The following NF2 variants were observed in gnomAD, a reference collection of about 807,000 sequenced individuals.
NF2 encodes merlin.
A neutral mutation model predicts 83.7 loss-of-function variants in NF2; 8 were observed. That is an observed-to-expected ratio of 0.10 (90% CI 0.06 to 0.17). The LOEUF (loss-of-function observed/expected upper bound fraction) is 0.17, where lower values mean the gene tolerates loss of function less well. Among genes scored for constraint, NF2 ranks in the 10% least tolerant of loss-of-function variants. NF2 has a pLI of 1.00. For synonymous variants in NF2, 266 were observed against 269.6 expected (o/e 0.99, Z 0.13); for missense variants, 533 against 744.4 (o/e 0.72, Z 3.31).
chr22:29,644,969 G>A (rs534852623), intron 4 of NF2, among the ~76,000 whole-genome samples: 1 of 152,126 alleles, frequency 6.6e-6, no homozygotes, highest in South Asian at 2.1e-4. Flanking sequence ...GGGAGAGGGA[G>A]AGGGCACTTG....
At chr22:29,681,246 A>C (rs770792810) in intron 14 of NF2, among the ~76,000 whole-genome samples, 193 bp from the exon 15 acceptor site, 15 of 152,000 alleles carry the variant, frequency 9.9e-5, no homozygotes, top group African/African-American at 1.5e-4. Context: ...TCCCAATTTT[A>C]ATGATGAGGA....
intron 1 of NF2, among the ~76,000 whole-genome samples, chr22:29,628,922 C>T (rs1018835771): frequency 3.3e-5 from 5 of 152,080 alleles, no homozygotes; most frequent in African/African-American, 9.7e-5. Flanking sequence ...TGAGCCACTG[C>T]GCCTGGCCTC....
intron 4 of NF2, among the ~76,000 whole-genome samples, chr22:29,649,729 T>TGA (rs2146943346): frequency 6.8e-6 from 1 of 148,040 alleles, no homozygotes; most frequent in South Asian, 2.1e-4. Flanking sequence ...GGTGACAGAG[T>TGA]GAGACTCTGT....
At chr22:29,646,778 T>C (rs2065993125) in intron 4 of NF2, among the ~76,000 whole-genome samples, 1 of 152,196 alleles carries the variant, frequency 6.6e-6, no homozygotes, top group African/African-American at 2.4e-5. Context: ...GCACAGTGGC[T>C]CACACCTGTA....
At chr22:29,672,140 C>T (rs1183961531) in intron 11 of NF2, among the ~76,000 whole-genome samples, 192 bp downstream of exon 11, 1 of 152,158 alleles carries the variant, frequency 6.6e-6, no homozygotes, top group Non-Finnish European at 1.5e-5. Flanking sequence ...TTATGTGCAG[C>T]CAAACTCCAC....
intron 15 of NF2, chr22:29,682,915 A>G: frequency 1.5e-6 from 2 of 1,356,884 alleles, no homozygotes; most frequent in Non-Finnish European, 2.1e-6. Flanking sequence ...AAAATCACTC[A>G]TCACGATTTC....
Position 29,603,844 on chromosome 22 carries a change from G to T in NF2, c.-155G>T. On this transcript the variant is annotated 5_prime_UTR_variant, in exon 1 of 16. The change abolishes an upstream ATG in the 5' untranslated region. Transcript: ENST00000338641. ...CTCAGGCAGGGTCCTCGCGGCCCAT[G>T]CTGGCCGCTGGGGACCCGCGCAGCC... 1 of 605,322 alleles carries T rather than the reference G, an allele frequency of 1.7e-6. No homozygotes were observed. Among genetic ancestry groups the T allele is most frequent in the African/African-American group, 1.9e-5 (1 of 53,026 alleles). 37.5% of individuals were successfully genotyped at this position (605,322 alleles called of 1,614,324 possible). A position where few individuals can be genotyped will look rare whatever the true frequency, so the allele number is the denominator to read the frequency against.
At chr22:29,614,551 CG>C (rs1177857774) in intron 1 of NF2, among the ~76,000 whole-genome samples, 1 of 144,758 alleles carries the variant, frequency 6.9e-6, no homozygotes, top group Non-Finnish European at 1.5e-5. Flanking sequence ...TACTGCACTC[CG>C]GCCTGGGCGA....
At chr22:29,639,881 CAAAAAAA>C (rs763315832) in intron 3 of NF2, among the ~76,000 whole-genome samples, 2 of 21,188 alleles carry the variant, frequency 9.4e-5, no homozygotes, top group South Asian at 3.5e-3. Context: ...GGTTCCGTCT[CAAAAAAA>C]AAAAAAAAAA....
rs918313102 is a variant in NF2 at position 29,695,746 on chromosome 22, G to A, written c.*944G>A. 19 of 233,796 alleles carry A rather than the reference G, an allele frequency of 8.1e-5. No homozygotes were observed. The highest frequency in any genetic ancestry group is 1.2e-4 in the Non-Finnish European group (14 of 118,500). 14.5% of individuals were successfully genotyped at this position (233,796 alleles called of 1,614,324 possible). ...ACTGGCCCAGACTCTGAGCTCCACC[G>A]GCCCAGTCTGCACGGCCCATCTGCT... On this transcript the variant is annotated 3_prime_UTR_variant, in exon 16 of 16. Coordinates refer to ENST00000338641, the MANE Select transcript of NF2 (RefSeq NM_000268.4). The surrounding 1 kb of genome is among the most constrained non-coding windows in gnomAD (Gnocchi z 5.4).
In NF2 at chr22:29,636,327, C is replaced by T. The variant is rs1394004439; in HGVS notation, c.115-424C>T. ...CCAGTCTTATTTAAAGGAATACTAG[C>T]CTTTTATCAAAGGGCAAAGTAATGA... On this transcript the variant is annotated intron_variant, in intron 1 of 15. Coordinates refer to ENST00000338641, the MANE Select transcript of NF2 (RefSeq NM_000268.4). The surrounding 1 kb of genome is among the most constrained non-coding windows in gnomAD (Gnocchi z 4.4). Among the ~76,000 whole-genome samples, 1 of 151,948 alleles carries T rather than the reference C, an allele frequency of 6.6e-6. No homozygotes were observed. The highest frequency in any genetic ancestry group is 1.5e-5 in the Non-Finnish European group (1 of 67,992).
rs567335522 is a variant in NF2 at position 29,642,433 on chromosome 22, C to A, written c.447+148C>A. The stretch of plus-strand genomic sequence containing the variant: ...TTATGGGACTTGTGGACTTGAAGAA[C>A]CACTGTCACTGTTCCAGTGTTTGTA... On this transcript the variant is annotated intron_variant, in intron 4 of 15. Transcript: ENST00000338641. 1.9e-4 allele frequency: 138 copies of A among 707,722 alleles called. 1 individual carries two copies. The South Asian group carries it at 2.0e-3, about 10-fold the overall frequency. 43.8% of individuals were successfully genotyped at this position (707,722 alleles called of 1,614,324 possible). A position where few individuals can be genotyped will look rare whatever the true frequency, so the allele number is the denominator to read the frequency against.
rs1206514472 is a variant in NF2, at chr22:29,614,106, C to CA, written c.114+10002dup. Among the ~76,000 whole-genome samples, 12 of 149,072 alleles carry CA rather than the reference C, an allele frequency of 8.0e-5. No individual in the cohort carries two copies. In the East Asian group the frequency reaches 1.8e-3, roughly 22 times the overall value. ...GCTGAGACAACTGGATAGCCACATG[C>CA]AAAAAAAAGAAGAAATTAAACCCTT... On this transcript the variant is annotated intron_variant, in intron 1 of 15. Coordinates refer to ENST00000338641, the MANE Select transcript of NF2 (RefSeq NM_000268.4).
chr22:29,617,218 T>C (rs2065104260), intron 1 of NF2, among the ~76,000 whole-genome samples: 2 of 152,150 alleles, frequency 1.3e-5, no homozygotes, highest in African/African-American at 2.4e-5. Context: ...TGTGAACCAC[T>C]GTGTCCATCC....
At chr22:29,603,631 C>T, upstream of NF2, 1 of 406,448 alleles carries the variant, frequency 2.5e-6, no homozygotes, top group Non-Finnish European at 4.3e-6. Flanking sequence ...CAGCGCGGCC[C>T]CGTGACCCTA....
At chr22:29,605,043 T>A (rs1386296100) in intron 1 of NF2, among the ~76,000 whole-genome samples, 3 of 152,150 alleles carry the variant, frequency 2.0e-5, no homozygotes. Flanking sequence ...TGCAGTAGTG[T>A]GATCATGGCT....
chr22:29,656,575 G>T (rs2066317606), intron 6 of NF2, among the ~76,000 whole-genome samples: 1 of 151,732 alleles, frequency 6.6e-6, no homozygotes, highest in East Asian at 1.9e-4. Flanking sequence ...CCACGCCTAG[G>T]CTAATTTTTT....
At chr22:29,693,706 G>A (rs1050491147) in intron 15 of NF2, among the ~76,000 whole-genome samples, 6 of 152,104 alleles carry the variant, frequency 3.9e-5, no homozygotes, top group African/African-American at 7.2e-5. Context: ...CCTCTCCCGC[G>A]AACCTCAGTT....
In NF2 at chr22:29,698,570, T is replaced by G. The variant is rs2067616481; in HGVS notation, c.*3768T>G. On this transcript the variant is annotated 3_prime_UTR_variant, in exon 16 of 16. Transcript: ENST00000338641. ...GGGGAACGATTATAACTTAAATGAT[T>G]GTTTTAATAAAAATTCTAAGCTGGA... 1 of 185,540 alleles carries G rather than the reference T, an allele frequency of 5.4e-6. No individual in the cohort carries two copies. Among genetic ancestry groups the G allele is most frequent in the African/African-American group, 2.3e-5 (1 of 42,674 alleles). 11.5% of individuals were successfully genotyped at this position (185,540 alleles called of 1,614,324 possible).
Sources: allele counts gnomAD v4.1 joint callset (sites outside exome capture counted in the v4.1 genomes callset), GRCh38; gene constraint gnomAD v4.1.1; non-coding constraint Gnocchi (gnomAD v3.1); transcripts MANE v1.5; gene names NCBI Gene and HGNC (gene_info 2026-07-23, HGNC 2026-07-21).